Variants in TGM5 observed in about 807,000 individuals in gnomAD.
The protein encoded by TGM5 is transglutaminase 5.
A neutral mutation model predicts 77.2 loss-of-function variants in TGM5; 69 were observed. The ratio of observed to expected loss-of-function variants is 0.89; its 90% CI spans 0.74 to 1.09. The LOEUF (loss-of-function observed/expected upper bound fraction) is 1.09. Ranked by LOEUF, TGM5 falls within the 50% of genes least tolerant of loss-of-function variation. TGM5 has a pLI of 0.00. For synonymous variants in TGM5, 346 were observed against 351.8 expected (o/e 0.98, Z 0.18); for missense variants, 842 against 896.5 (o/e 0.94, Z 0.78).
In TGM5 at chr15:43,262,749, C is replaced by T. The variant is rs1596453094; in HGVS notation, c.11-2170G>A. 4.6e-5 allele frequency among the ~76,000 whole-genome samples: 7 copies of T among 152,250 alleles called. No individual in the cohort carries two copies. The South Asian group carries it at 1.5e-3, about 32-fold the overall frequency. ...CAGTGAGCCAAGATCGCACCACTGC[C>T]CTCCAAAGCCCACAGCCAATACCAT... On this transcript the variant is annotated intron_variant, in intron 1 of 12. Coordinates refer to ENST00000220420, the MANE Select transcript of TGM5 (RefSeq NM_201631.4).
intron 9 of TGM5, among the ~76,000 whole-genome samples, chr15:43,236,061 ATTCTTC>A (rs146288606): frequency 2.0e-5 from 3 of 152,020 alleles, no homozygotes; most frequent in Non-Finnish European, 2.9e-5. Flanking sequence ...TACCATTAGC[ATTCTTC>A]TTCTTCTTCT....
chr15:43,238,754 C>T (rs943585160), intron 9 of TGM5, 63 bp downstream of exon 9: 9 of 1,597,892 alleles, frequency 5.6e-6, no homozygotes, highest in Admixed American at 3.4e-5. Context: ...TCTCTGGCTC[C>T]CTGGGGTAGG....
rs900417218 is a variant in TGM5, at chr15:43,232,879, A to T, written c.*312T>A. 2.7e-5 allele frequency: 10 copies of T among 375,390 alleles called. No individual in the cohort carries two copies. Among genetic ancestry groups the T allele is most frequent in the Non-Finnish European group, 4.5e-5 (9 of 198,946 alleles). The allele number at this position is 375,390 out of a possible 1,614,324, so 23.3% of individuals were successfully genotyped here. A position where few individuals can be genotyped will look rare whatever the true frequency, so the allele number is the denominator to read the frequency against. The stretch of plus-strand genomic sequence containing the variant: ...GGTCCAGGGAAATATCCATCCATAG[A>T]CATTTCCTACCTGTTCTCTGGATGC... On this transcript the variant is annotated 3_prime_UTR_variant, in exon 13 of 13. Coordinates refer to ENST00000220420, the MANE Select transcript of TGM5 (RefSeq NM_201631.4).
At chr15:43,242,535 A>G (rs1438993331) in intron 6 of TGM5, among the ~76,000 whole-genome samples, 1 of 152,232 alleles carries the variant, frequency 6.6e-6, no homozygotes, top group East Asian at 1.9e-4. Flanking sequence ...CACACACACT[A>G]CTGTCATTTC....
At chr15:43,263,180 A>G (rs2042801893) in intron 1 of TGM5, among the ~76,000 whole-genome samples, 1 of 152,234 alleles carries the variant, frequency 6.6e-6, no homozygotes, top group African/African-American at 2.4e-5. Flanking sequence ...CCTATATCAC[A>G]AAACATCACT....
chr15:43,248,198 G>C (rs1292680120), intron 6 of TGM5, among the ~76,000 whole-genome samples: 2 of 152,138 alleles, frequency 1.3e-5, no homozygotes, highest in Non-Finnish European at 2.9e-5. Flanking sequence ...TATTTTTTGA[G>C]ACAGAGTCTT....
intron 6 of TGM5, 95 bp downstream of exon 6, chr15:43,252,664 G>C: frequency 2.0e-6 from 3 of 1,474,950 alleles, no homozygotes; most frequent in Non-Finnish European, 2.8e-6. Flanking sequence ...TCCCTTGGTG[G>C]GAACTGTGTG....
intron 4 of TGM5, among the ~76,000 whole-genome samples, chr15:43,255,105 G>A (rs1363999902): frequency 5.3e-5 from 8 of 152,056 alleles, no homozygotes; most frequent in South Asian, 4.2e-4. Flanking sequence ...AGGCCGAGAC[G>A]GGAGGATCAT....
intron 6 of TGM5, among the ~76,000 whole-genome samples, chr15:43,251,067 G>T (rs571203584): frequency 6.6e-6 from 1 of 152,286 alleles, no homozygotes; most frequent in African/African-American, 2.4e-5. Context: ...ACACTGGAAG[G>T]TTCTCTCTCT....
chr15:43,235,284 G>A (rs28544171), intron 10 of TGM5, among the ~76,000 whole-genome samples, 185 bp downstream of exon 10: 18 of 150,976 alleles, frequency 1.2e-4, no homozygotes, highest in African/African-American at 4.4e-4. Context: ...GAGGGAAGGA[G>A]GGAGGGAGGG....
intron 3 of TGM5, among the ~76,000 whole-genome samples, chr15:43,257,974 A>G (rs1031278612): frequency 2.6e-5 from 4 of 152,204 alleles, no homozygotes; most frequent in Admixed American, 2.6e-4. Context: ...AAACTATTGC[A>G]AGGACGTAAG....
intron 6 of TGM5, 30 bp from the exon 7 acceptor site, chr15:43,241,020 T>C: frequency 6.2e-7 from 1 of 1,614,002 alleles, no homozygotes; most frequent in Non-Finnish European, 8.5e-7. Flanking sequence ...AAATCACCTG[T>C]GAGCTGTAGA....
chr15:43,246,632 G>C (rs928292809), intron 6 of TGM5, among the ~76,000 whole-genome samples: 2 of 152,178 alleles, frequency 1.3e-5, no homozygotes, highest in Non-Finnish European at 2.9e-5. Context: ...TTAACGAGAT[G>C]AGATCACAAT....
chr15:43,239,150 T>C lies in TGM5; in HGVS notation c.1105+13A>G. 6.2e-7 allele frequency: 1 copy of C among 1,614,120 alleles called. No individual in the cohort carries two copies. The highest frequency in any genetic ancestry group is 8.5e-7 in the Non-Finnish European group (1 of 1,180,012). On this transcript the variant is annotated intron_variant, in intron 8 of 12. Coordinates refer to ENST00000220420, the MANE Select transcript of TGM5 (RefSeq NM_201631.4). ...ACGGGAGCGGGGCCTGCCTTTCTTC[T>C]GGAGAGCCTCACCGTTGCTCATCTC...
Position 43,235,461 on chromosome 15 carries a change from A to G in TGM5, c.1714+8T>C. ...AACTCTGCGTACACAAACTGTGCAC[A>G]TGCGTACCTTCTTTAGGAGAGAGTG... On this transcript the variant is annotated splice_region_variant and intron_variant, in intron 10 of 12. Coordinates refer to ENST00000220420, the MANE Select transcript of TGM5 (RefSeq NM_201631.4). 1 of 1,614,158 alleles carries G rather than the reference A, an allele frequency of 6.2e-7. No individual in the cohort carries two copies. Among genetic ancestry groups the G allele is most frequent in the Non-Finnish European group, 8.5e-7 (1 of 1,180,022 alleles).
chr15:43,261,914 C>T (rs1457463295), intron 1 of TGM5, among the ~76,000 whole-genome samples: 3 of 152,168 alleles, frequency 2.0e-5, no homozygotes, highest in African/African-American at 7.2e-5. Flanking sequence ...TTTACAAGTT[C>T]TGAGATCTCC....
chr15:43,238,685 G>A (rs1424056276), intron 9 of TGM5, 132 bp downstream of exon 9: 1 of 1,409,354 alleles, frequency 7.1e-7, no homozygotes, highest in Non-Finnish European at 9.7e-7. Flanking sequence ...CACCCCAACT[G>A]GGGCCTCAAA....
chr15:43,260,963 TA>T (rs1250743360), intron 1 of TGM5, among the ~76,000 whole-genome samples: 1 of 151,954 alleles, frequency 6.6e-6, no homozygotes, highest in Admixed American at 6.6e-5. Context: ...GGACTCAAGT[TA>T]ACAGTCTCAC....
At chr15:43,233,520 A>T (rs1161391505) in intron 12 of TGM5, 34 bp downstream of exon 12, 1 of 1,614,020 alleles carries the variant, frequency 6.2e-7, no homozygotes, top group Non-Finnish European at 8.5e-7. Context: ...CAGGGGGGAA[A>T]AACAGGAGAA....
Sources: gnomAD v4.1 joint callset for allele counts (sites outside exome capture counted in the v4.1 genomes callset) on GRCh38, gnomAD v4.1.1 for gene constraint, MANE v1.5 for transcripts, NCBI Gene and HGNC (gene_info 2026-07-23, HGNC 2026-07-21) for gene names.